Variants in ZBTB20 observed in about 807,000 individuals in gnomAD.
ZBTB20 encodes zinc finger and BTB domain-containing protein 20.
Under a neutral mutation model 56.9 loss-of-function variants are expected in ZBTB20, and 9 were observed. The ratio of observed to expected loss-of-function variants is 0.16; its 90% CI spans 0.10 to 0.28. The LOEUF (loss-of-function observed/expected upper bound fraction) is 0.28, where lower values mean the gene tolerates loss of function less well. Among genes scored for constraint, ZBTB20 ranks in the 10% least tolerant of loss-of-function variants. The probability of loss-of-function intolerance (pLI) is 1.00; values close to 1 mark genes in which losing one functional copy is unlikely to be tolerated. For missense variants in ZBTB20, 655 were observed against 1,003.0 expected (o/e 0.65, Z 4.69); for synonymous variants, 417 against 420.7 (o/e 0.99, Z 0.11).
At chr3:114,837,454 C>T (rs1358192787) in intron 4 of ZBTB20, among the ~76,000 whole-genome samples, 1 of 152,098 alleles carries the variant, frequency 6.6e-6, no homozygotes, top group African/African-American at 2.4e-5. Flanking sequence ...AGGTAGGTGC[C>T]TATGGGTCAA....
intron 5 of ZBTB20, among the ~76,000 whole-genome samples, chr3:114,797,426 T>C (rs926564343): frequency 1.3e-5 from 2 of 151,868 alleles, no homozygotes; most frequent in Admixed American, 6.6e-5. Context: ...CTTTCATTTA[T>C]TACTCCCTCT....
chr3:114,581,032 A>T (rs1489176178), intron 6 of ZBTB20, among the ~76,000 whole-genome samples: 1 of 151,996 alleles, frequency 6.6e-6, no homozygotes, highest in African/African-American at 2.4e-5. Flanking sequence ...CTTACCAAGT[A>T]AAAAGAATAT....
At chr3:115,024,934 C>T (rs1225667724) in intron 2 of ZBTB20, among the ~76,000 whole-genome samples, 1 of 150,876 alleles carries the variant, frequency 6.6e-6, no homozygotes, top group Non-Finnish European at 1.5e-5. Context: ...ATAAAATTTG[C>T]CTTATTCTTT....
intron 6 of ZBTB20, among the ~76,000 whole-genome samples, chr3:114,659,234 A>G (rs139309950): frequency 7.9e-5 from 12 of 152,122 alleles, no homozygotes; most frequent in African/African-American, 2.4e-4. Context: ...CCTCTGGTGG[A>G]ACTCAGTTCT....
chr3:114,889,967 C>A (rs1469252874), intron 4 of ZBTB20, among the ~76,000 whole-genome samples: 1 of 152,044 alleles, frequency 6.6e-6, no homozygotes, highest in African/African-American at 2.4e-5. Flanking sequence ...TTTTAAAGTG[C>A]TTTGGTATGT....
chr3:114,897,371 G>T (rs1440830764), intron 4 of ZBTB20, among the ~76,000 whole-genome samples: 1 of 152,032 alleles, frequency 6.6e-6, no homozygotes, highest in Non-Finnish European at 1.5e-5. Flanking sequence ...AGGAAATGAG[G>T]AAAGGAGAGA....
intron 6 of ZBTB20, among the ~76,000 whole-genome samples, chr3:114,690,652 ATT>A (rs1489651582): frequency 1.3e-5 from 2 of 152,130 alleles, no homozygotes; most frequent in Non-Finnish European, 2.9e-5. Flanking sequence ...ACAATGCATA[ATT>A]TCTTTCCCCC....
At chr3:114,391,422 G>A (rs1321769776) in intron 7 of ZBTB20, among the ~76,000 whole-genome samples, 1 of 152,064 alleles carries the variant, frequency 6.6e-6, no homozygotes, top group African/African-American at 2.4e-5. Flanking sequence ...ATGTCTACAT[G>A]TAGCTTCTTC....
At chr3:114,662,219 A>G (rs1218517455) in intron 6 of ZBTB20, among the ~76,000 whole-genome samples, 1 of 151,930 alleles carries the variant, frequency 6.6e-6, no homozygotes, top group Non-Finnish European at 1.5e-5. Flanking sequence ...CCATGTCCCT[A>G]CAAAGGATAC....
intron 6 of ZBTB20, among the ~76,000 whole-genome samples, chr3:114,626,019 G>A (rs538746025): frequency 6.6e-6 from 1 of 152,154 alleles, no homozygotes; most frequent in Admixed American, 6.5e-5. Context: ...CCATAAAGAA[G>A]GAAGAAAGCA....
At chr3:114,349,066 G>A (rs1298790877) in intron 11 of ZBTB20, among the ~76,000 whole-genome samples, 1 of 152,012 alleles carries the variant, frequency 6.6e-6, no homozygotes, top group Non-Finnish European at 1.5e-5. Flanking sequence ...TGAGCGTGGT[G>A]GCATGTGCCT....
intron 4 of ZBTB20, among the ~76,000 whole-genome samples, chr3:114,850,101 T>C (rs749564303): frequency 5.3e-5 from 8 of 151,980 alleles, no homozygotes; most frequent in Non-Finnish European, 8.8e-5. Flanking sequence ...GGTTTCACCA[T>C]GTTGGCCAGG....
intron 11 of ZBTB20, among the ~76,000 whole-genome samples, chr3:114,343,044 G>A (rs191407966): frequency 4.0e-4 from 61 of 151,888 alleles, no homozygotes; most frequent in East Asian, 3.9e-4. Context: ...GGTGTTGGGC[G>A]TGGTAAAAGT....
chr3:114,722,010 A>G (rs1018754662), intron 5 of ZBTB20, among the ~76,000 whole-genome samples: 1 of 152,206 alleles, frequency 6.6e-6, no homozygotes, highest in African/African-American at 2.4e-5. Context: ...TCTTCTTTCT[A>G]GTTTCACTAA....
intron 6 of ZBTB20, among the ~76,000 whole-genome samples, chr3:114,533,558 A>G (rs1269937194): frequency 6.6e-6 from 1 of 151,946 alleles, no homozygotes; most frequent in Non-Finnish European, 1.5e-5. Flanking sequence ...CAAGTTGGAA[A>G]ATTCTTCAGG....
intron 6 of ZBTB20, among the ~76,000 whole-genome samples, chr3:114,622,319 A>C (rs1265936992): frequency 6.6e-6 from 1 of 152,180 alleles, no homozygotes; most frequent in African/African-American, 2.4e-5. Context: ...TTTCTTTAGA[A>C]AACAAGATAA....
intron 2 of ZBTB20, among the ~76,000 whole-genome samples, chr3:114,976,271 CAAAGGACGT>C (rs2078094029): frequency 1.3e-5 from 2 of 152,064 alleles, no homozygotes; most frequent in South Asian, 4.1e-4. Flanking sequence ...GGAAACTTCT[CAAAGGACGT>C]AAGAATAATA....
rs1291270389 is a variant in ZBTB20, at chr3:114,319,439, C to G, written c.*19566G>C. The G allele has an allele frequency of 6.6e-6, 1 of 152,030 alleles. No homozygotes were observed. The highest frequency in any genetic ancestry group is 6.6e-5 in the Admixed American group (1 of 15,256). The allele number at this position is 152,030 out of a possible 1,614,324, so 9.4% of individuals were successfully genotyped here. A position where few individuals can be genotyped will look rare whatever the true frequency, so the allele number is the denominator to read the frequency against. On this transcript the variant is annotated 3_prime_UTR_variant, in exon 12 of 12. Coordinates refer to ENST00000675478, the MANE Select transcript of ZBTB20 (RefSeq NM_001348800.3). ...TTAGGATTGTGAAGTTACAGCCACT[C>G]CCACCCCTGCTCTAAAACAAAACAA...
chr3:114,572,132 A>G (rs1302402973), intron 6 of ZBTB20, among the ~76,000 whole-genome samples: 3 of 152,208 alleles, frequency 2.0e-5, no homozygotes, highest in Non-Finnish European at 4.4e-5. Flanking sequence ...ATTCAGAGAG[A>G]CTTAGTAACT....
Sources: gnomAD v4.1 joint callset for allele counts (sites outside exome capture counted in the v4.1 genomes callset) on GRCh38, gnomAD v4.1.1 for gene constraint, MANE v1.5 for transcripts, NCBI Gene and HGNC (gene_info 2026-07-23, HGNC 2026-07-21) for gene names.